The following APBB2 variants were observed in gnomAD, a reference collection of about 807,000 sequenced individuals.
APBB2 encodes the protein amyloid beta precursor protein binding family B member 2.
Under a neutral mutation model 82.5 loss-of-function variants are expected in APBB2, and 38 were observed. The observed-to-expected ratio is 0.46, with a 90% CI of 0.36 to 0.60. The LOEUF (loss-of-function observed/expected upper bound fraction) is 0.60, where lower values mean the gene tolerates loss of function less well. Among genes scored for constraint, APBB2 ranks in the 20% least tolerant of loss-of-function variants. The pLI is 0.00. For missense variants in APBB2, 772 were observed against 972.3 expected (o/e 0.79, Z 2.74); for synonymous variants, 341 against 368.2 (o/e 0.93, Z 0.85).
rs116234877 is a variant in APBB2 at position 40,955,255 on chromosome 4, A to C, written c.836-10182T>G. On this transcript the variant is annotated intron_variant, in intron 6 of 17. Coordinates refer to ENST00000508593, the MANE Select transcript of APBB2 (RefSeq NM_004307.2). ...AAGGGACAAGAGAACAGCATTTCTG[A>C]AAGAGAGAACAGCATTTCTGAAAGA... 1.7e-3 allele frequency among the ~76,000 whole-genome samples: 252 copies of C among 152,306 alleles called. 3 individuals carry two copies. Among genetic ancestry groups the C allele is most frequent in the African/African-American group, 5.8e-3 (243 of 41,560 alleles).
At chr4:41,101,560 G>A (rs1435352291) in intron 2 of APBB2, among the ~76,000 whole-genome samples, 3 of 145,256 alleles carry the variant, frequency 2.1e-5, no homozygotes, top group African/African-American at 7.6e-5. Context: ...CTCTTCAAAT[G>A]TATTAAGCAC....
chr4:41,065,679 G>A lies in APBB2; in HGVS notation c.-148-6C>T, dbSNP rs1168869431. 1 of 150,906 alleles carries A rather than the reference G, an allele frequency of 6.6e-6. No individual in the cohort carries two copies. The highest frequency in any genetic ancestry group is 2.4e-5 in the African/African-American group (1 of 41,008). The allele number at this position is 150,906 out of a possible 1,614,324, so 9.3% of individuals were successfully genotyped here. On this transcript the variant is annotated splice_region_variant and splice_polypyrimidine_tract_variant and intron_variant, in intron 3 of 17. Coordinates refer to ENST00000508593, the MANE Select transcript of APBB2 (RefSeq NM_004307.2). ...GGAAAGACTGAGATGGTTAGCTGTG[G>A]TGGGGGGAGAAAAAAAAAAGGTAGA...
chr4:41,075,941 C>A (rs1735496334), intron 3 of APBB2, among the ~76,000 whole-genome samples: 1 of 152,162 alleles, frequency 6.6e-6, no homozygotes, highest in Non-Finnish European at 1.5e-5. Context: ...CTAAATTGAA[C>A]TGAATCTCAC....
intron 4 of APBB2, among the ~76,000 whole-genome samples, chr4:41,050,595 C>A (rs907161176): frequency 2.0e-5 from 3 of 152,154 alleles, no homozygotes; most frequent in East Asian, 3.8e-4. Context: ...TGTTACCTTT[C>A]CCTGGAAAAT....
intron 10 of APBB2, among the ~76,000 whole-genome samples, chr4:40,897,266 G>C (rs1281674519): frequency 1.3e-5 from 2 of 152,222 alleles, no homozygotes; most frequent in Non-Finnish European, 2.9e-5. Flanking sequence ...CACTTTTGGA[G>C]GCTAAGGCAG....
intron 12 of APBB2, among the ~76,000 whole-genome samples, chr4:40,870,426 C>T (rs1225321814): frequency 6.6e-6 from 1 of 152,208 alleles, no homozygotes; most frequent in Admixed American, 6.5e-5. Flanking sequence ...CACAAGAGGG[C>T]CCTGGGGCAC....
At chr4:40,908,603 G>A (rs1241709010) in intron 10 of APBB2, among the ~76,000 whole-genome samples, 1 of 152,056 alleles carries the variant, frequency 6.6e-6, no homozygotes, top group Non-Finnish European at 1.5e-5. Flanking sequence ...CACCCGGCTG[G>A]CACCGGAGCC....
intron 1 of APBB2, among the ~76,000 whole-genome samples, chr4:41,181,344 C>T (rs368633448): frequency 8.5e-5 from 13 of 152,178 alleles, no homozygotes; most frequent in African/African-American, 2.4e-4. Context: ...TAATGGGAGA[C>T]GATGAAACTC....
At chr4:41,196,598 GCTT>G in intron 1 of APBB2, among the ~76,000 whole-genome samples, 1 of 113,388 alleles carries the variant, frequency 8.8e-6, no homozygotes, top group Non-Finnish European at 1.8e-5. Context: ...AAAGCCCCCT[GCTT>G]TTTTTTTTTT....
chr4:41,203,118 A>G (rs757094970), intron 1 of APBB2, among the ~76,000 whole-genome samples: 1 of 152,236 alleles, frequency 6.6e-6, no homozygotes, highest in Non-Finnish European at 1.5e-5. Context: ...TTCAGAACTA[A>G]GAGGAAGAAA....
chr4:41,014,155 G>T lies in APBB2; in HGVS notation c.263C>A (p.Pro88His). 1 of 1,614,212 alleles carries T rather than the reference G, an allele frequency of 6.2e-7. No homozygotes were observed. Residue 88 changes from proline to histidine, a missense_variant, in exon 6 of 18, where the codon CCC becomes CAC. Transcript: ENST00000508593. ...AMGLSDPAAQ[P>H]LLGNGSANIK... ...GTTGGCAGAGCCATTTCCCAGCAGG[G>T]GCTGTGCAGCTGGATCCGAGAGGCC...
chr4:41,044,328 T>C (rs1722603424), intron 4 of APBB2, among the ~76,000 whole-genome samples: 1 of 152,186 alleles, frequency 6.6e-6, no homozygotes, highest in African/African-American at 2.4e-5. Context: ...TCTCATGGAT[T>C]TAAACATATT....
chr4:40,957,202 T>C (rs372251502), intron 6 of APBB2, among the ~76,000 whole-genome samples: 109 of 152,368 alleles, frequency 7.2e-4, no homozygotes, highest in African/African-American at 2.5e-3. Flanking sequence ...GCTACATTCA[T>C]ATGTGGCTTT....
chr4:40,974,722 C>T (rs572942784), intron 6 of APBB2, among the ~76,000 whole-genome samples: 19 of 152,232 alleles, frequency 1.2e-4, no homozygotes, highest in South Asian at 2.1e-4. Flanking sequence ...ATCTACTGAA[C>T]GACTCACTAC....
rs1231769191 is a variant in APBB2 at position 41,027,364 on chromosome 4, C to CACACAT, written c.19+5871_19+5872insATGTGT. Among the ~76,000 whole-genome samples, 44 of 127,450 alleles carry CACACAT rather than the reference C, an allele frequency of 3.5e-4. 1 individual carries two copies. The highest frequency in any genetic ancestry group is 1.2e-3 in the African/African-American group (40 of 34,058). 83.6% of individuals were successfully genotyped at this position (127,450 alleles called of 152,430 possible). On this transcript the variant is annotated intron_variant, in intron 5 of 17. Coordinates refer to ENST00000508593, the MANE Select transcript of APBB2 (RefSeq NM_004307.2). ...TTATATTTTTATAAACATATTGTTA[C>CACACAT]ATATATATATATATATATATATATA...
At chr4:41,105,741 C>T (rs138461733) in intron 2 of APBB2, among the ~76,000 whole-genome samples, 3,855 of 152,130 alleles carry the variant, frequency 0.025, 84 homozygotes, top group Non-Finnish European at 0.039. Context: ...AAAAAATTAG[C>T]CAGGTGTGGT....
chr4:41,190,269 T>TTTTA, intron 1 of APBB2, among the ~76,000 whole-genome samples: 1 of 141,056 alleles, frequency 7.1e-6, no homozygotes, highest in Admixed American at 7.0e-5. Flanking sequence ...TTTTTTTTTT[T>TTTTA]GAGATGGAGT....
At chr4:41,091,428 TA>T (rs527482157) in intron 3 of APBB2, among the ~76,000 whole-genome samples, 1 of 151,536 alleles carries the variant, frequency 6.6e-6, no homozygotes, top group South Asian at 2.1e-4. Flanking sequence ...AGCAAAAGAA[TA>T]AAAAAGTAAG....
At chr4:40,982,285 GGAAGGAAGGAAGGAAGGAAGGAAA>G (rs1798895393) in intron 6 of APBB2, among the ~76,000 whole-genome samples, 1 of 11,482 alleles carries the variant, frequency 8.7e-5, no homozygotes, top group Non-Finnish European at 1.6e-4. Context: ...AAAGAAAGAA[GGAAGGAAGGAAGGAAGGAAGGAAA>G]GAAAGAAAGA....
Sources: gnomAD v4.1 joint callset for allele counts (sites outside exome capture counted in the v4.1 genomes callset) on GRCh38, gnomAD v4.1.1 for gene constraint, MANE v1.5 for transcripts, NCBI Gene and HGNC (gene_info 2026-07-23, HGNC 2026-07-21) for gene names.